Variants in BBS9 observed in about 807,000 individuals in gnomAD.
BBS9 encodes the protein protein PTHB1.
BBS9 carries 89 observed loss-of-function variants against 117.7 expected under a neutral mutation model. That is an observed-to-expected ratio of 0.76 (90% CI 0.64 to 0.90). BBS9 has a LOEUF of 0.90. BBS9 is among the 40% of genes least tolerant of loss of function. BBS9 has a pLI of 0.00. For synonymous variants in BBS9, 379 were observed against 370.9 expected (o/e 1.02, Z -0.25); for missense variants, 982 against 1,042.2 (o/e 0.94, Z 0.80).
intron 7 of BBS9, 149 bp from the exon 8 acceptor site, chr7:33,272,863 A>AT: frequency 1.2e-6 from 1 of 818,660 alleles, no homozygotes. Context: ...GGTCATAGTG[A>AT]TAAAAAAAAG....
chr7:33,319,608 G>GCA (rs1811262324), intron 9 of BBS9, among the ~76,000 whole-genome samples: 1 of 151,856 alleles, frequency 6.6e-6, no homozygotes, highest in Non-Finnish European at 1.5e-5. Context: ...GTATTACATT[G>GCA]TGGTTTTGAT....
chr7:33,130,337 A>T (rs1487328796), intron 1 of BBS9, among the ~76,000 whole-genome samples: 1 of 152,182 alleles, frequency 6.6e-6, no homozygotes, highest in Non-Finnish European at 1.5e-5. Flanking sequence ...TGGGCAAAGC[A>T]GTTCCCAGCC....
At chr7:33,562,566 A>C (rs1339341992) in intron 21 of BBS9, among the ~76,000 whole-genome samples, 1 of 152,200 alleles carries the variant, frequency 6.6e-6, no homozygotes, top group Non-Finnish European at 1.5e-5. Context: ...ACTGAACTTG[A>C]AACAGCTAAC....
chr7:33,169,916 G>C (rs931431832), intron 4 of BBS9, among the ~76,000 whole-genome samples: 6 of 151,828 alleles, frequency 4.0e-5, no homozygotes, highest in Admixed American at 2.0e-4. Context: ...TAATGCCTAG[G>C]TTTTCTTCTA....
chr7:33,586,600 T>A (rs1860932141), intron 21 of BBS9, among the ~76,000 whole-genome samples: 2 of 152,094 alleles, frequency 1.3e-5, no homozygotes, highest in African/African-American at 4.8e-5. Context: ...ACTTGTATGT[T>A]CATCGCAGTG....
chr7:33,237,982 C>T (rs766415022), intron 5 of BBS9, among the ~76,000 whole-genome samples: 30 of 152,156 alleles, frequency 2.0e-4, no homozygotes, highest in Non-Finnish European at 1.5e-4. Flanking sequence ...CTCCCTCATC[C>T]TCAAGAATAG....
chr7:33,478,969 A>G (rs1050660639), intron 19 of BBS9, among the ~76,000 whole-genome samples: 1 of 148,404 alleles, frequency 6.7e-6, no homozygotes, highest in East Asian at 2.0e-4. Context: ...TTTACTGTTC[A>G]TTTACTGATA....
intron 19 of BBS9, among the ~76,000 whole-genome samples, chr7:33,454,931 G>A (rs934523009): frequency 6.6e-6 from 1 of 152,176 alleles, no homozygotes; most frequent in African/African-American, 2.4e-5. Context: ...AGAGCCCAAG[G>A]CAAACGTTTA....
At chr7:33,140,960 G>T (rs1163366804) in intron 1 of BBS9, among the ~76,000 whole-genome samples, 1 of 151,738 alleles carries the variant, frequency 6.6e-6, no homozygotes, top group Non-Finnish European at 1.5e-5. Flanking sequence ...TTTTTCTCCT[G>T]GTATTTGTTT....
chr7:33,256,562 AG>A (rs1218855233), intron 5 of BBS9, among the ~76,000 whole-genome samples: 1 of 152,088 alleles, frequency 6.6e-6, no homozygotes, highest in Non-Finnish European at 1.5e-5. Context: ...GTCCTTAGTC[AG>A]ATACAAGAAG....
chr7:33,627,558 G>A (rs1443089309), intron 21 of BBS9, among the ~76,000 whole-genome samples: 1 of 152,228 alleles, frequency 6.6e-6, no homozygotes, highest in African/African-American at 2.4e-5. Flanking sequence ...AAAAGCCACA[G>A]ACACTCAATT....
chr7:33,334,417 A>G (rs1473840462), intron 9 of BBS9, among the ~76,000 whole-genome samples: 2 of 152,168 alleles, frequency 1.3e-5, no homozygotes, highest in Admixed American at 6.5e-5. Context: ...TCTGCGCTTT[A>G]GCACCCTAGA....
chr7:33,497,609 C>T (rs1844906899), intron 19 of BBS9, among the ~76,000 whole-genome samples: 1 of 152,102 alleles, frequency 6.6e-6, no homozygotes, highest in South Asian at 2.1e-4. Context: ...CCCCAAGTAA[C>T]AAGCCTCAGA....
At chr7:33,192,377 T>C (rs1233050871) in intron 5 of BBS9, among the ~76,000 whole-genome samples, 1 of 152,186 alleles carries the variant, frequency 6.6e-6, no homozygotes, top group Non-Finnish European at 1.5e-5. Context: ...TTCCTAAATA[T>C]TTAGTGATGA....
chr7:33,391,837 A>T (rs1827129816), intron 19 of BBS9, among the ~76,000 whole-genome samples: 1 of 152,006 alleles, frequency 6.6e-6, no homozygotes, highest in Non-Finnish European at 1.5e-5. Flanking sequence ...CCAATTTATC[A>T]TTTGCCTGTT....
At chr7:33,210,439 T>G (rs1323938411) in intron 5 of BBS9, among the ~76,000 whole-genome samples, 1 of 152,246 alleles carries the variant, frequency 6.6e-6, no homozygotes, top group Non-Finnish European at 1.5e-5. Flanking sequence ...ATATTTCTTG[T>G]TGAGTTCCTG....
chr7:33,483,362 C>G (rs1293889688), intron 19 of BBS9, among the ~76,000 whole-genome samples: 1 of 152,112 alleles, frequency 6.6e-6, no homozygotes, highest in Non-Finnish European at 1.5e-5. Context: ...GTAACTTTTG[C>G]TTTTTTCACG....
chr7:33,502,316 T>C (rs915783533), intron 19 of BBS9, among the ~76,000 whole-genome samples: 2 of 152,142 alleles, frequency 1.3e-5, no homozygotes, highest in Non-Finnish European at 2.9e-5. Flanking sequence ...TTTTGTAACA[T>C]TTGTGGATTT....
intron 9 of BBS9, among the ~76,000 whole-genome samples, chr7:33,314,918 TAA>T (rs1292947881): frequency 1.3e-5 from 2 of 152,202 alleles, no homozygotes; most frequent in Non-Finnish European, 2.9e-5. Flanking sequence ...AGAGAATTTT[TAA>T]AAGAGGAGTG....
Sources: gnomAD v4.1 joint callset for allele counts (sites outside exome capture counted in the v4.1 genomes callset) on GRCh38, gnomAD v4.1.1 for gene constraint, MANE v1.5 for transcripts, NCBI Gene and HGNC (gene_info 2026-07-23, HGNC 2026-07-21) for gene names.